The following RCL1 variants were observed in gnomAD, a reference collection of about 807,000 sequenced individuals.
RCL1 encodes RNA terminal phosphate cyclase like 1, also known as RNA 3'-terminal phosphate cyclase-like protein.
Under a neutral mutation model 42.4 loss-of-function variants are expected in RCL1, and 24 were observed. The ratio of observed to expected loss-of-function variants is 0.57; its 90% CI spans 0.41 to 0.80. The LOEUF (loss-of-function observed/expected upper bound fraction) is 0.80. Ranked by LOEUF, RCL1 falls within the 30% of genes least tolerant of loss-of-function variation. The pLI is 0.00. For missense variants in RCL1, 578 were observed against 467.9 expected (o/e 1.24, Z -2.17); for synonymous variants, 228 against 177.3 (o/e 1.29, Z -2.27).
intron 1 of RCL1, among the ~76,000 whole-genome samples, chr9:4,815,891 C>T (rs1816358364): frequency 6.6e-6 from 1 of 152,040 alleles, no homozygotes; most frequent in African/African-American, 2.4e-5. Context: ...TACCTCCTTG[C>T]AGCAGGGAGA....
intron 1 of RCL1, among the ~76,000 whole-genome samples, chr9:4,799,968 G>A (rs943156724): frequency 6.6e-6 from 1 of 152,202 alleles, no homozygotes; most frequent in Non-Finnish European, 1.5e-5. Context: ...ACATGGGAGT[G>A]TGTGATTAGC....
intron 1 of RCL1, among the ~76,000 whole-genome samples, chr9:4,821,665 G>C (rs1325331971): frequency 6.6e-6 from 1 of 151,982 alleles, no homozygotes. Context: ...TCCCCCCAGA[G>C]ATGGGCATCT....
intron 3 of RCL1, 39 bp downstream of exon 3, chr9:4,827,072 T>G: frequency 6.2e-7 from 1 of 1,613,616 alleles, no homozygotes; most frequent in South Asian, 1.1e-5. Flanking sequence ...GTTTTTGTTT[T>G]GTCTCTTGTC....
chr9:4,833,245 T>C lies in RCL1; in HGVS notation c.459+17T>C. 2 of 1,586,146 alleles carry C rather than the reference T, an allele frequency of 1.3e-6. No individual in the cohort carries two copies. The highest frequency in any genetic ancestry group is 1.7e-6 in the Non-Finnish European group (2 of 1,154,478). On this transcript the variant is annotated intron_variant, in intron 4 of 8. Coordinates refer to ENST00000381750, the MANE Select transcript of RCL1 (RefSeq NM_005772.5). The stretch of plus-strand genomic sequence containing the variant: ...GAACTGAAGGTAAGAATGTTTGAAC[T>C]GTTGACCATATGTTCCTGTGGAAAA...
intron 5 of RCL1, 87 bp downstream of exon 5, chr9:4,834,352 C>T (rs1817050775): frequency 7.0e-6 from 10 of 1,436,206 alleles, no homozygotes; most frequent in Middle Eastern, 2.4e-4. Context: ...TACTTCTTCC[C>T]GAGGTTATTT....
intron 3 of RCL1, among the ~76,000 whole-genome samples, chr9:4,831,000 G>T (rs1816925056): frequency 6.6e-6 from 1 of 152,130 alleles, no homozygotes. Context: ...AAAGCTGCAG[G>T]AGACTGGAGA....
chr9:4,796,505 C>G (rs1225898211), intron 1 of RCL1, among the ~76,000 whole-genome samples: 2 of 152,198 alleles, frequency 1.3e-5, no homozygotes, highest in African/African-American at 2.4e-5. Flanking sequence ...AGGTGATCCT[C>G]TCACGTTAGC....
chr9:4,813,627 T>C (rs1816258850), intron 1 of RCL1, among the ~76,000 whole-genome samples: 1 of 152,236 alleles, frequency 6.6e-6, no homozygotes, highest in African/African-American at 2.4e-5. Context: ...GAAGACAGTG[T>C]GGCGATTCCT....
Position 4,834,161 on chromosome 9 carries a change from T to G in RCL1, c.480T>G (p.Pro160=). 1 of 1,606,512 alleles carries G rather than the reference T, an allele frequency of 6.2e-7. No individual in the cohort carries two copies. The highest frequency in any genetic ancestry group is 8.5e-7 in the Non-Finnish European group (1 of 1,176,298). The part of the protein sequence containing the change: ...FELKIVRRGM[P]PGGGGEVVFS... ...TGTAGATTGTGCGACGGGGAATGCC[T>G]CCCGGAGGAGGAGGCGAAGTGGTTT... The change falls in exon 5 of 9, where the codon CCT becomes CCG. Residue 160 remains proline, a synonymous_variant. Coordinates refer to ENST00000381750, the MANE Select transcript of RCL1 (RefSeq NM_005772.5).
At chr9:4,802,510 G>C (rs1324737073) in intron 1 of RCL1, among the ~76,000 whole-genome samples, 1 of 151,944 alleles carries the variant, frequency 6.6e-6, no homozygotes, top group Admixed American at 6.6e-5. Context: ...ACTTAAATCT[G>C]TTTCTTTTCC....
chr9:4,819,364 T>A (rs1816503887), intron 1 of RCL1, among the ~76,000 whole-genome samples: 1 of 152,252 alleles, frequency 6.6e-6, no homozygotes, highest in Non-Finnish European at 1.5e-5. Context: ...TGGAGAGTGC[T>A]GGTTTAGAGA....
chr9:4,823,062 A>G (rs951640748), intron 1 of RCL1, among the ~76,000 whole-genome samples: 2 of 152,186 alleles, frequency 1.3e-5, no homozygotes, highest in Non-Finnish European at 2.9e-5. Flanking sequence ...GCTGAAAGGC[A>G]GAGATAGTGA....
chr9:4,807,810 C>T lies in RCL1; in HGVS notation c.136+14583C>T, dbSNP rs558259876. On this transcript the variant is annotated intron_variant, in intron 1 of 8. Transcript: ENST00000381750. ...CTGGGATTACAGGCGTGAGCCCCCG[C>T]GCCTGGCAGCTATGGGTCATTTATA... 7.9e-5 allele frequency among the ~76,000 whole-genome samples: 12 copies of T among 152,302 alleles called. 1 individual carries two copies. Among genetic ancestry groups the T allele is most frequent in the East Asian group, 3.9e-4 (2 of 5,184 alleles).
At chr9:4,817,744 G>T (rs956076087) in intron 1 of RCL1, among the ~76,000 whole-genome samples, 4 of 152,004 alleles carry the variant, frequency 2.6e-5, no homozygotes, top group Non-Finnish European at 5.9e-5. Context: ...TAATTTGCCT[G>T]CCTCAGCCTC....
At chr9:4,817,040 A>T (rs1391926106) in intron 1 of RCL1, among the ~76,000 whole-genome samples, 1 of 152,138 alleles carries the variant, frequency 6.6e-6, no homozygotes, top group South Asian at 2.1e-4. Flanking sequence ...GATGGTCTCA[A>T]TCTCCTGACC....
At chr9:4,797,691 CT>C (rs922542224) in intron 1 of RCL1, among the ~76,000 whole-genome samples, 1 of 152,124 alleles carries the variant, frequency 6.6e-6, no homozygotes, top group Non-Finnish European at 1.5e-5. Flanking sequence ...GTAATTAAAC[CT>C]TTTCTTTTCC....
At chr9:4,796,279 A>C (rs1842912899) in intron 1 of RCL1, among the ~76,000 whole-genome samples, 1 of 152,168 alleles carries the variant, frequency 6.6e-6, no homozygotes, top group East Asian at 1.9e-4. Flanking sequence ...TTCCATGTTT[A>C]AGTCCATGTG....
intron 3 of RCL1, among the ~76,000 whole-genome samples, chr9:4,828,668 G>T (rs550255339): frequency 1.3e-5 from 2 of 151,712 alleles, no homozygotes; most frequent in East Asian, 3.9e-4. Flanking sequence ...AGTGGGAAAA[G>T]GCCCTGAAGT....
intron 6 of RCL1, 73 bp downstream of exon 6, chr9:4,841,430 C>A: frequency 3.2e-6 from 4 of 1,252,996 alleles, no homozygotes; most frequent in Admixed American, 3.6e-5. Context: ...GTTAAAACTG[C>A]CAGCTCTGAG....
Sources: gnomAD v4.1 joint callset for allele counts (sites outside exome capture counted in the v4.1 genomes callset) on GRCh38, gnomAD v4.1.1 for gene constraint, MANE v1.5 for transcripts, NCBI Gene and HGNC (gene_info 2026-07-23, HGNC 2026-07-21) for gene names.